The following MTO1 variants were observed in gnomAD, a reference collection of about 807,000 sequenced individuals.
The protein encoded by MTO1 is mitochondrial tRNA translation optimization 1, also known as 5-taurinomethyluridine-[tRNA] synthase subunit MTO1, mitochondrial.
Under a neutral mutation model 71.6 loss-of-function variants are expected in MTO1, and 46 were observed. That is an observed-to-expected ratio of 0.64 (90% CI 0.51 to 0.82). The LOEUF is 0.82. Among genes scored for constraint, MTO1 ranks in the 40% least tolerant of loss-of-function variants. The probability of loss-of-function intolerance (pLI) is 0.00; values close to 1 mark genes in which losing one functional copy is unlikely to be tolerated. For missense variants in MTO1, 773 were observed against 867.5 expected, an observed-to-expected ratio of 0.89 and a Z score of 1.37; for synonymous variants, 297 against 312.1, an observed-to-expected ratio of 0.95 and a Z score of 0.51.
Position 73,500,940 on chromosome 6 carries a change from T to G in MTO1, c.*205T>G, listed in dbSNP as rs1582704504. ...AGTCGTAAACAATTTGTACTCTTTC[T>G]TTAAGGAGCTGTAATACAAATAACT... On this transcript the variant is annotated 3_prime_UTR_variant, in exon 12 of 12. Coordinates refer to ENST00000498286, the MANE Select transcript of MTO1 (RefSeq NM_012123.4). The G allele has an allele frequency of 1.0e-5, 4 of 386,350 alleles. No individual in the cohort carries two copies. The highest frequency in any genetic ancestry group is 8.1e-5 in the East Asian group (2 of 24,712). 23.9% of individuals were successfully genotyped at this position (386,350 alleles called of 1,614,324 possible).
intron 10 of MTO1, among the ~76,000 whole-genome samples, chr6:73,493,742 C>T (rs1319822806): frequency 6.6e-6 from 1 of 151,626 alleles, no homozygotes; most frequent in Non-Finnish European, 1.5e-5. Flanking sequence ...TCTTTTTATA[C>T]TCTCCCCACC....
intron 3 of MTO1, among the ~76,000 whole-genome samples, chr6:73,466,830 G>A (rs1244837559): frequency 1.3e-5 from 2 of 152,030 alleles, no homozygotes; most frequent in Non-Finnish European, 2.9e-5. Flanking sequence ...TTCCATCTTA[G>A]TGTAGAACTT....
intron 3 of MTO1, among the ~76,000 whole-genome samples, chr6:73,469,441 T>C (rs138207767): frequency 0.011 from 1,664 of 150,826 alleles, 25 homozygotes; most frequent in African/African-American, 0.035. Context: ...CTGGCCAACA[T>C]GGTGAACCTG....
At chr6:73,473,078 G>C (rs930023206) in intron 3 of MTO1, among the ~76,000 whole-genome samples, 1 of 152,106 alleles carries the variant, frequency 6.6e-6, no homozygotes, top group Non-Finnish European at 1.5e-5. Context: ...TCGGGAATTC[G>C]AGACCAGCCT....
At chr6:73,492,657 C>T (rs1771844737) in intron 10 of MTO1, 1 of 237,158 alleles carries the variant, frequency 4.2e-6, no homozygotes, top group South Asian at 6.0e-5. Context: ...AAAAAAAATA[C>T]AAAAAATTAG....
At position 73,482,259 on chromosome 6, in the gene MTO1, A is replaced by T; in HGVS notation, c.1465+15A>T. The T allele has an allele frequency of 6.2e-7, 1 of 1,613,364 alleles. No homozygotes were observed. The highest frequency in any genetic ancestry group is 1.3e-5 in the African/African-American group (1 of 75,016). On this transcript the variant is annotated intron_variant, in intron 8 of 11. Coordinates refer to ENST00000498286, the MANE Select transcript of MTO1 (RefSeq NM_012123.4). ...CACACTGCGAGGTAACTCTTTCCTGAGTCCTGCAATCCAGCCAGGCATGGT... is the reference window on the plus strand; with the variant it reads ...CACACTGCGAGGTAACTCTTTCCTGTGTCCTGCAATCCAGCCAGGCATGGT...
At chr6:73,485,134 G>T (rs929027683) in intron 9 of MTO1, among the ~76,000 whole-genome samples, 14 of 151,690 alleles carry the variant, frequency 9.2e-5, no homozygotes, top group African/African-American at 3.1e-4. Flanking sequence ...AACTTGCATT[G>T]AATGTGACTG....
At chr6:73,486,285 GT>G (rs767429225) in intron 9 of MTO1, among the ~76,000 whole-genome samples, 2 of 152,106 alleles carry the variant, frequency 1.3e-5, no homozygotes, top group East Asian at 1.9e-4. Context: ...CATTTCAGTA[GT>G]TTAAGTATAT....
chr6:73,473,134 C>T (rs1771197331), intron 3 of MTO1, among the ~76,000 whole-genome samples: 1 of 152,120 alleles, frequency 6.6e-6, no homozygotes, highest in Admixed American at 6.6e-5. Flanking sequence ...ATAAAACTAG[C>T]TGAGCGTGGT....
chr6:73,466,691 T>C (rs751215529), intron 3 of MTO1, 85 bp downstream of exon 3: 28 of 1,200,658 alleles, frequency 2.3e-5, no homozygotes, highest in East Asian at 4.7e-5. Context: ...TGTGGAGATA[T>C]GTTGCTTATT....
intron 3 of MTO1, among the ~76,000 whole-genome samples, chr6:73,471,160 T>A (rs997668119): frequency 2.6e-4 from 39 of 147,908 alleles, no homozygotes; most frequent in Middle Eastern, 3.2e-3. Flanking sequence ...TACCTTTTTT[T>A]AAAAAAAAAA....
At chr6:73,462,208 T>C in intron 1 of MTO1, 137 bp downstream of exon 1, 3 of 939,452 alleles carry the variant, frequency 3.2e-6, no homozygotes, top group Non-Finnish European at 4.8e-6. Flanking sequence ...TTAGCCTCGA[T>C]CAGTGTCTCG....
At chr6:73,494,075 A>G (rs960544588) in intron 10 of MTO1, among the ~76,000 whole-genome samples, 1 of 151,956 alleles carries the variant, frequency 6.6e-6, no homozygotes, top group African/African-American at 2.4e-5. Context: ...TCTACTAAAA[A>G]TACAAAAAAA....
chr6:73,477,509 CTTTT>C (rs766276407), intron 4 of MTO1, among the ~76,000 whole-genome samples: 1 of 134,852 alleles, frequency 7.4e-6, no homozygotes, highest in Non-Finnish European at 1.6e-5. Context: ...TCCAAAGCAG[CTTTT>C]TTTTTTTTTT....
rs749021608 is a variant in MTO1 at position 73,501,357 on chromosome 6, A to C, written c.*622A>C. 2.6e-5 allele frequency: 4 copies of C among 152,238 alleles called. No homozygotes were observed. Among genetic ancestry groups the C allele is most frequent in the Non-Finnish European group, 5.9e-5 (4 of 68,042 alleles). The allele number at this position is 152,238 out of a possible 1,614,324, so 9.4% of individuals were successfully genotyped here. A position where few individuals can be genotyped will look rare whatever the true frequency, so the allele number is the denominator to read the frequency against. On this transcript the variant is annotated 3_prime_UTR_variant, in exon 12 of 12. Coordinates refer to ENST00000498286, the MANE Select transcript of MTO1 (RefSeq NM_012123.4). The stretch of plus-strand genomic sequence containing the variant: ...AGATTGGAAATCACCATTGTTTCCT[A>C]TTATCCACAGTGTGGATGGATACTT...
intron 3 of MTO1, among the ~76,000 whole-genome samples, chr6:73,470,794 A>T (rs1771140692): frequency 6.6e-6 from 1 of 152,148 alleles, no homozygotes; most frequent in African/African-American, 2.4e-5. Flanking sequence ...CTCTACTAAA[A>T]ATACAAAAAT....
In MTO1 at chr6:73,461,994, C is replaced by T. The variant is rs1242591201; in HGVS notation, c.140C>T (p.Ala47Val). Reference protein sequence around the residue: ...FDVIVIGGGHAGTEAATAAAR... With the variant: ...FDVIVIGGGHVGTEAATAAAR... ...GTGATAGTCATTGGTGGAGGACATG[C>T]CGGGACTGAGGCAGCCACCGCCGCC... Residue 47 changes from alanine (A) to valine (V), a missense_variant, in exon 1 of 12, where the codon GCC (alanine) becomes GTC (valine). By Grantham distance (64) the Ala-to-Val change is moderately conservative (BLOSUM62 0). Coordinates refer to ENST00000498286, the MANE Select transcript of MTO1 (RefSeq NM_012123.4). 1 of 1,614,058 alleles carries T rather than the reference C, an allele frequency of 6.2e-7. No homozygotes were observed. Among genetic ancestry groups the T allele is most frequent in the South Asian group, 1.1e-5 (1 of 91,084 alleles).
chr6:73,473,720 AC>A, intron 4 of MTO1, 66 bp downstream of exon 4: 1 of 1,039,488 alleles, frequency 9.6e-7, no homozygotes, highest in African/African-American at 2.3e-5. Context: ...AAGTACTGTA[AC>A]TTTTTTTTTT....
chr6:73,480,035 A>G lies in MTO1; in HGVS notation c.1038A>G (p.Pro346=), dbSNP rs777554120. ...PEGMDSDLIY[P]QGLSMTLPAE... ...GAATGGATTCTGACCTTATCTACCCACAGGGGTTATCTATGACGCTACCAG... is the reference window on the plus strand; with the variant it reads ...GAATGGATTCTGACCTTATCTACCCGCAGGGGTTATCTATGACGCTACCAG... The change falls in exon 6 of 12, where the codon CCA becomes CCG. Residue 346 remains proline, a synonymous_variant. Transcript: ENST00000498286. 4 of 1,614,156 alleles carry G rather than the reference A, an allele frequency of 2.5e-6. No homozygotes were observed. In the Admixed American group the frequency reaches 6.7e-5, roughly 27 times the overall value.
Sources: gnomAD v4.1 joint callset for allele counts (sites outside exome capture counted in the v4.1 genomes callset) on GRCh38, gnomAD v4.1.1 for gene constraint, MANE v1.5 for transcripts, NCBI Gene and HGNC (gene_info 2026-07-23, HGNC 2026-07-21) for gene names.